ZFAT: variants seen among roughly 807,000 people sequenced by gnomAD.
ZFAT encodes the protein zinc finger and AT-hook domain containing, also known as zinc finger protein ZFAT.
ZFAT carries 64 observed loss-of-function variants against 117.7 expected under a neutral mutation model. That is an observed-to-expected ratio of 0.54 (90% confidence interval 0.44 to 0.67). The LOEUF (loss-of-function observed/expected upper bound fraction) is 0.67, where lower values mean the gene tolerates loss of function less well. ZFAT is among the 30% of genes least tolerant of loss of function. The pLI is 0.00. For missense variants in ZFAT, 1,433 were observed against 1,584.5 expected (o/e 0.90, Z 1.62); for synonymous variants, 679 against 615.0 (o/e 1.10, Z -1.54).
intron 11 of ZFAT, among the ~76,000 whole-genome samples, chr8:134,549,014 C>T (rs13272130): frequency 0.066 from 10,099 of 152,276 alleles, 463 homozygotes; most frequent in Non-Finnish European, 0.098. Flanking sequence ...CTTTTCCACT[C>T]GGAAGAATTC....
chr8:134,643,600 T>C (rs2131138488), intron 2 of ZFAT, among the ~76,000 whole-genome samples: 1 of 152,284 alleles, frequency 6.6e-6, no homozygotes, highest in Non-Finnish European at 1.5e-5. Context: ...CTTGTCTAAG[T>C]CCCCAGCAGA....
At chr8:134,600,984 G>T (rs1740443178) in intron 6 of ZFAT, among the ~76,000 whole-genome samples, 3 of 152,038 alleles carry the variant, frequency 2.0e-5, no homozygotes, top group African/African-American at 7.3e-5. Context: ...AGTTCTACCG[G>T]CCCTCCTGGG....
At chr8:134,590,622 CA>C (rs1209746261) in intron 7 of ZFAT, among the ~76,000 whole-genome samples, 3 of 151,300 alleles carry the variant, frequency 2.0e-5, no homozygotes, top group Admixed American at 6.6e-5. Context: ...TAGTCATCAC[CA>C]CCAGCACTAT....
chr8:134,691,399 G>C (rs189583185), intron 1 of ZFAT, among the ~76,000 whole-genome samples: 1 of 152,220 alleles, frequency 6.6e-6, no homozygotes, highest in Admixed American at 6.5e-5. Context: ...GCGCCTCCAC[G>C]GACACAGTGT....
chr8:134,595,683 C>T (rs1826875316), intron 7 of ZFAT, among the ~76,000 whole-genome samples: 1 of 152,236 alleles, frequency 6.6e-6, no homozygotes, highest in South Asian at 2.1e-4. Flanking sequence ...CATATTTCCT[C>T]AATGCCAAGA....
At chr8:134,776,463 C>T in the ZFAT span, among the ~76,000 whole-genome samples, 8 of 151,944 alleles carry the variant, frequency 5.3e-5, no homozygotes, top group Non-Finnish European at 8.8e-5. Context: ...CCACCACATC[C>T]GGCTAGTTAT....
At chr8:134,644,835 G>A (rs1210107863) in intron 2 of ZFAT, among the ~76,000 whole-genome samples, 1 of 151,380 alleles carries the variant, frequency 6.6e-6, no homozygotes. Flanking sequence ...TATCACACAC[G>A]TGCACACTCA....
chr8:134,754,676 C>T, the ZFAT span, among the ~76,000 whole-genome samples: 2 of 152,376 alleles, frequency 1.3e-5, no homozygotes, highest in Non-Finnish European at 2.9e-5. Flanking sequence ...CCACCCACCT[C>T]ACCCTTCTTC....
intron 2 of ZFAT, among the ~76,000 whole-genome samples, chr8:134,653,692 C>G (rs1387291330): frequency 6.6e-6 from 1 of 151,992 alleles, no homozygotes; most frequent in Non-Finnish European, 1.5e-5. Context: ...CACATATACA[C>G]CGTAAATACA....
chr8:134,782,131 A>C, the ZFAT span, among the ~76,000 whole-genome samples: 1 of 152,202 alleles, frequency 6.6e-6, no homozygotes, highest in Non-Finnish European at 1.5e-5. Context: ...GTCTTGCCCC[A>C]AGCCTAAAGA....
At chr8:134,708,480 TTA>T (rs747304522) in intron 1 of ZFAT, among the ~76,000 whole-genome samples, 28 of 152,256 alleles carry the variant, frequency 1.8e-4, no homozygotes, top group East Asian at 5.8e-4. Context: ...TAAAAAAAGA[TTA>T]TGTTACCCAA....
chr8:134,662,287 G>T (rs1257575050), intron 1 of ZFAT, among the ~76,000 whole-genome samples: 3 of 152,110 alleles, frequency 2.0e-5, no homozygotes, highest in African/African-American at 7.2e-5. Flanking sequence ...CACATTAGGG[G>T]GTAGGTTTTG....
the ZFAT span, among the ~76,000 whole-genome samples, chr8:134,781,277 C>A: frequency 6.6e-6 from 1 of 152,196 alleles, no homozygotes; most frequent in Middle Eastern, 3.4e-3. Flanking sequence ...TGAGATGTGC[C>A]ACCATGCTTA....
rs190606757 is a variant in ZFAT, at chr8:134,576,846, G to T, written c.2887+6986C>A. 2.2e-3 allele frequency among the ~76,000 whole-genome samples: 333 copies of T among 152,248 alleles called. 1 individual carries two copies. Among genetic ancestry groups the T allele is most frequent in the Non-Finnish European group, 3.7e-3 (250 of 68,018 alleles). ...CTATTACAAGAGTGCTTGAAGCCTG[G>T]ATAATTCTTTTCAAATTTTACCCAA... On this transcript the variant is annotated intron_variant, in intron 10 of 15. Transcript: ENST00000377838.
chr8:134,557,115 C>T (rs6578237), intron 11 of ZFAT, among the ~76,000 whole-genome samples: 1 of 151,838 alleles, frequency 6.6e-6, no homozygotes, highest in Non-Finnish European at 1.5e-5. Context: ...GTGTTTTATG[C>T]TTCTTACATT....
the ZFAT span, among the ~76,000 whole-genome samples, chr8:134,736,112 A>G: frequency 1.2e-4 from 19 of 152,286 alleles, no homozygotes; most frequent in African/African-American, 3.9e-4. Context: ...AAATGTTAGA[A>G]CTGAAGTCCA....
chr8:134,564,905 G>A lies in ZFAT; in HGVS notation c.2976+428C>T, dbSNP rs527894275. 7 of 1,171,370 alleles carry A rather than the reference G, an allele frequency of 6.0e-6. No homozygotes were observed. In the African/African-American group the frequency reaches 9.6e-5, roughly 16 times the overall value. 72.6% of individuals were successfully genotyped at this position (1,171,370 alleles called of 1,614,324 possible). ...CCTGCAACATGCTGGGCACTGTGGT[G>A]GACACTCCCGAACACAATCTCCAGT... On this transcript the variant is annotated intron_variant, in intron 11 of 15. Transcript: ENST00000377838.
intron 13 of ZFAT, among the ~76,000 whole-genome samples, chr8:134,514,189 G>C (rs1820074643): frequency 6.6e-6 from 1 of 152,190 alleles, no homozygotes; most frequent in Non-Finnish European, 1.5e-5. Context: ...CCATCTCATG[G>C]AGATGAGTAT....
chr8:134,513,105 G>A (rs1819978767), intron 13 of ZFAT, among the ~76,000 whole-genome samples: 1 of 152,182 alleles, frequency 6.6e-6, no homozygotes, highest in Admixed American at 6.5e-5. Context: ...GCTGATGGTG[G>A]AAGGGAGAGG....
Sources: allele counts gnomAD v4.1 joint callset (sites outside exome capture counted in the v4.1 genomes callset), GRCh38; gene constraint gnomAD v4.1.1; transcripts MANE v1.5; gene names NCBI Gene and HGNC (gene_info 2026-07-23, HGNC 2026-07-21).